DCT: variants seen among roughly 807,000 people sequenced by gnomAD.
The protein encoded by DCT is dopachrome tautomerase, also known as L-dopachrome tautomerase.
DCT carries 47 observed loss-of-function variants against 53.0 expected under a neutral mutation model. That is an observed-to-expected ratio of 0.89 (90% CI 0.70 to 1.13). DCT has a LOEUF of 1.13. Ranked by LOEUF, DCT falls within the 50% of genes most tolerant of loss-of-function variation. DCT has a pLI of 0.00. For missense variants in DCT, 669 were observed against 637.4 expected, an observed-to-expected ratio of 1.05 and a Z score of -0.53; for synonymous variants, 244 against 237.0, an observed-to-expected ratio of 1.03 and a Z score of -0.27.
At chr13:94,463,694 G>C (rs910627271) in intron 4 of DCT, among the ~76,000 whole-genome samples, 2 of 152,206 alleles carry the variant, frequency 1.3e-5, no homozygotes, top group African/African-American at 4.8e-5. Flanking sequence ...GTCTCCCAAA[G>C]TGCAGACCAT....
chr13:94,539,206 G>C, the DCT span, among the ~76,000 whole-genome samples: 1 of 152,190 alleles, frequency 6.6e-6, no homozygotes, highest in Non-Finnish European at 1.5e-5. Flanking sequence ...CACAGAGAAT[G>C]AAAGTTGGGA....
the DCT span, among the ~76,000 whole-genome samples, chr13:94,515,841 C>T: frequency 7.5e-4 from 114 of 152,156 alleles, no homozygotes; most frequent in Admixed American, 1.7e-3. Context: ...GGGTAGGCGA[C>T]GTGATCTCCA....
At chr13:94,517,459 A>G in the DCT span, among the ~76,000 whole-genome samples, 3 of 152,186 alleles carry the variant, frequency 2.0e-5, no homozygotes, top group Non-Finnish European at 4.4e-5. Context: ...GACTTCTAAA[A>G]TTTATAACAT....
intron 1 of DCT, among the ~76,000 whole-genome samples, chr13:94,476,477 T>C (rs540358010): frequency 6.8e-6 from 1 of 147,948 alleles, no homozygotes; most frequent in South Asian, 2.1e-4. Context: ...TTCTTTTTTT[T>C]TTTTTTTTTT....
the DCT span, among the ~76,000 whole-genome samples, chr13:94,538,163 C>T: frequency 8.5e-5 from 13 of 152,196 alleles, no homozygotes; most frequent in African/African-American, 2.2e-4. Flanking sequence ...TGAGATGTTG[C>T]GGAAAGTGAC....
chr13:94,466,002 ATATATATATATAT>A (rs1183015959), intron 3 of DCT, among the ~76,000 whole-genome samples: 1 of 53,670 alleles, frequency 1.9e-5, no homozygotes, highest in South Asian at 6.2e-4. Context: ...ATATATATAT[ATATATATATATAT>A]ATATATATAC....
chr13:94,484,250 C>T (rs1026485630), upstream of DCT, among the ~76,000 whole-genome samples: 5 of 152,152 alleles, frequency 3.3e-5, no homozygotes, highest in Admixed American at 3.3e-4. Flanking sequence ...ACGTCTGCTC[C>T]CACCCCATTG....
chr13:94,470,699 T>C (rs1336775459), intron 1 of DCT, among the ~76,000 whole-genome samples: 1 of 152,212 alleles, frequency 6.6e-6, no homozygotes, highest in Admixed American at 6.5e-5. Context: ...ACTGTCTCCC[T>C]AAATTCCTCT....
At position 94,465,647 on chromosome 13, in the gene DCT, T is replaced by A. The variant is rs776050229; in HGVS notation, c.849A>T (p.Glu283Asp). 6.2e-7 allele frequency: 1 copy of A among 1,613,426 alleles called. No homozygotes were observed. Among genetic ancestry groups the A allele is most frequent in the Non-Finnish European group, 8.5e-7 (1 of 1,179,714 alleles). ...GGAGCCATTACCTATCACAGACAGT[T>A]TCCCAGCTGGAGAATCTTGAGTTCC... Reference protein sequence around the residue: ...ISRNSRFSSWETVCDSLDDYN... With the variant: ...ISRNSRFSSWDTVCDSLDDYN... Residue 283 changes from glutamate (E) to aspartate (D), a missense_variant, in exon 4 of 8, where the codon GAA becomes GAT. By Grantham distance (45) the Glu-to-Asp change is conservative. Coordinates refer to ENST00000377028, the MANE Select transcript of DCT (RefSeq NM_001922.5).
At chr13:94,474,541 T>C (rs905775806) in intron 1 of DCT, among the ~76,000 whole-genome samples, 2 of 152,216 alleles carry the variant, frequency 1.3e-5, no homozygotes, top group African/African-American at 4.8e-5. Flanking sequence ...ATTAGTCACT[T>C]GTACAAACAA....
chr13:94,459,122 T>G (rs977216893), intron 6 of DCT, among the ~76,000 whole-genome samples: 2 of 152,072 alleles, frequency 1.3e-5, no homozygotes, highest in Non-Finnish European at 2.9e-5. Flanking sequence ...CAAGTGATCC[T>G]CCCACCTCAG....
rs528540867 is a variant in DCT, at chr13:94,453,547, T to C, written c.1179+6544A>G. The stretch of plus-strand genomic sequence containing the variant: ...GATCTATCTTTAAATGTTTCACTCT[T>C]GGGAAGAAAAAAGCAATGCCCTATT... On this transcript the variant is annotated intron_variant, in intron 6 of 7. Coordinates refer to ENST00000377028, the MANE Select transcript of DCT (RefSeq NM_001922.5). 2.1e-3 allele frequency among the ~76,000 whole-genome samples: 322 copies of C among 152,294 alleles called. 9 individuals carry two copies. The South Asian group carries it at 0.062, about 29-fold the overall frequency.
intron 4 of DCT, among the ~76,000 whole-genome samples, chr13:94,463,169 C>G (rs1277356375): frequency 6.6e-6 from 1 of 152,054 alleles, no homozygotes; most frequent in Non-Finnish European, 1.5e-5. Context: ...TAGGGTCTCA[C>G]TCTGTTGTAC....
At chr13:94,498,583 C>T in the DCT span, among the ~76,000 whole-genome samples, 1 of 152,222 alleles carries the variant, frequency 6.6e-6, no homozygotes, top group Admixed American at 6.5e-5. Flanking sequence ...CAACTTCCAG[C>T]TTCCAGACAG....
Position 94,462,134 on chromosome 13 carries a change from G to T in DCT, c.919C>A (p.Leu307Met). ...TTTCTTCCCATTTGATTTCTTCTCA[G>T]CAAACCTTCATAGGTTCCATTGCAC... ...TLCNGTYEGL[L>M]RRNQMGRNSM... Residue 307 changes from leucine (L) to methionine (M), a missense_variant, in exon 5 of 8, where the codon CTG becomes ATG. Leu to Met is a conservative substitution (Grantham distance 15). Coordinates refer to ENST00000377028, the MANE Select transcript of DCT (RefSeq NM_001922.5). 1 of 1,613,094 alleles carries T rather than the reference G, an allele frequency of 6.2e-7. No individual in the cohort carries two copies. The highest frequency in any genetic ancestry group is 8.5e-7 in the Non-Finnish European group (1 of 1,179,590).
At chr13:94,513,848 T>C in the DCT span, among the ~76,000 whole-genome samples, 1 of 151,804 alleles carries the variant, frequency 6.6e-6, no homozygotes, top group Non-Finnish European at 1.5e-5. Flanking sequence ...TAGCCAGGCA[T>C]GGTGGCAGGC....
At chr13:94,520,409 G>A in the DCT span, among the ~76,000 whole-genome samples, 4 of 152,130 alleles carry the variant, frequency 2.6e-5, no homozygotes, top group African/African-American at 9.7e-5. Flanking sequence ...ATTGAGAAAG[G>A]GTAATGACAA....
intron 6 of DCT, among the ~76,000 whole-genome samples, chr13:94,446,570 T>C (rs1202208556): frequency 1.3e-5 from 2 of 152,192 alleles, no homozygotes; most frequent in African/African-American, 4.8e-5. Context: ...TGGATATTAT[T>C]TGTTTGCTCA....
At position 94,479,300 on chromosome 13, in the gene DCT, T is replaced by C. The variant is rs778619229; in HGVS notation, c.-45A>G. The C allele has an allele frequency of 6.8e-7, 1 of 1,473,532 alleles. No individual in the cohort carries two copies. Among genetic ancestry groups the C allele is most frequent in the South Asian group, 1.4e-5 (1 of 73,032 alleles). 91.3% of individuals were successfully genotyped at this position (1,473,532 alleles called of 1,614,324 possible). ...CTCTCTCTCTCTCTTACTTTCCTTG[T>C]CTCTGTCGTACTTTTCTCCTTATCT... On this transcript the variant is annotated 5_prime_UTR_variant, in exon 1 of 8. Coordinates refer to ENST00000377028, the MANE Select transcript of DCT (RefSeq NM_001922.5).
Sources: gnomAD v4.1 joint callset for allele counts (sites outside exome capture counted in the v4.1 genomes callset) on GRCh38, gnomAD v4.1.1 for gene constraint, MANE v1.5 for transcripts, NCBI Gene and HGNC (gene_info 2026-07-23, HGNC 2026-07-21) for gene names.